Variants in PPM1H observed in about 807,000 individuals in gnomAD.
PPM1H encodes protein phosphatase 1H.
A neutral mutation model predicts 54.9 loss-of-function variants in PPM1H; 27 were observed. The ratio of observed to expected loss-of-function variants is 0.49; its 90% confidence interval spans 0.36 to 0.68. The LOEUF (loss-of-function observed/expected upper bound fraction) is 0.68. Among genes scored for constraint, PPM1H ranks in the 30% least tolerant of loss-of-function variants. PPM1H has a pLI of 0.00. For synonymous variants in PPM1H, 305 were observed against 270.8 expected, an observed-to-expected ratio of 1.13 and a Z score of -1.24; for missense variants, 596 against 667.8, an observed-to-expected ratio of 0.89 and a Z score of 1.19.
At chr12:62,891,686 A>G (rs925582509) in intron 1 of PPM1H, among the ~76,000 whole-genome samples, 1 of 152,190 alleles carries the variant, frequency 6.6e-6, no homozygotes, top group Admixed American at 6.5e-5. Flanking sequence ...CTTTAGAATA[A>G]CTAAGACTCA....
chr12:62,755,955 TG>T, intron 4 of PPM1H: 2 of 921,814 alleles, frequency 2.2e-6, no homozygotes, highest in Non-Finnish European at 1.8e-6. Flanking sequence ...GTGTCAGTTG[TG>T]GGCCTGAACT....
At chr12:62,718,174 C>T (rs1165462836) in intron 6 of PPM1H, among the ~76,000 whole-genome samples, 2 of 152,178 alleles carry the variant, frequency 1.3e-5, no homozygotes, top group African/African-American at 2.4e-5. Flanking sequence ...GCACTGGTGT[C>T]CCCCTCAAGG....
intron 4 of PPM1H, among the ~76,000 whole-genome samples, chr12:62,787,032 G>A (rs543622866): frequency 5.3e-4 from 81 of 152,248 alleles, no homozygotes; most frequent in African/African-American, 1.9e-3. Flanking sequence ...CTGCCAGGTC[G>A]GTTTGCTCCT....
chr12:62,873,304 G>A (rs1297898237), intron 1 of PPM1H, among the ~76,000 whole-genome samples: 3 of 152,214 alleles, frequency 2.0e-5, no homozygotes, highest in Non-Finnish European at 4.4e-5. Context: ...CGCACCTTTT[G>A]TGCTGGCACC....
intron 5 of PPM1H, among the ~76,000 whole-genome samples, chr12:62,732,575 G>T (rs201333752): frequency 2.8e-5 from 4 of 141,946 alleles, no homozygotes; most frequent in African/African-American, 7.7e-5. Context: ...TTTGTTTTCG[G>T]TTTTTTTTTT....
rs185381955 is a variant in PPM1H at position 62,915,293 on chromosome 12, T to C, written c.245+19199A>G. Among the ~76,000 whole-genome samples, 47 of 152,314 alleles carry C rather than the reference T, an allele frequency of 3.1e-4. No individual in the cohort carries two copies. In the East Asian group the frequency reaches 9.1e-3, roughly 29 times the overall value. ...CAGTGGCTCTTTATTTCTTGGCATATGTGGTGAGTGCCTGCAGCGCCTGCA... is the reference window on the plus strand; with the variant it reads ...CAGTGGCTCTTTATTTCTTGGCATACGTGGTGAGTGCCTGCAGCGCCTGCA... On this transcript the variant is annotated intron_variant, in intron 1 of 9. Transcript: ENST00000228705.
In PPM1H at chr12:62,689,651, C is replaced by T. The variant is rs149302305; in HGVS notation, c.1245+48G>A. 5.2e-4 allele frequency: 771 copies of T among 1,479,246 alleles called. 2 individuals carry two copies. The African/African-American group carries it at 9.3e-3, about 18-fold the overall frequency. The allele number at this position is 1,479,246 out of a possible 1,614,324, so 91.6% of individuals were successfully genotyped here. ...GTGTGAGTCACAGGAGGAATAACGCCGAAAATGTTTTATTGCACAAAATAT... is the reference window on the plus strand; with the variant it reads ...GTGTGAGTCACAGGAGGAATAACGCTGAAAATGTTTTATTGCACAAAATAT... On this transcript the variant is annotated intron_variant, in intron 8 of 9. Coordinates refer to ENST00000228705, the MANE Select transcript of PPM1H (RefSeq NM_020700.2).
chr12:62,772,609 A>G (rs1365389506), intron 4 of PPM1H, among the ~76,000 whole-genome samples: 7 of 152,132 alleles, frequency 4.6e-5, no homozygotes, highest in African/African-American at 1.4e-4. Flanking sequence ...CATCAAAACC[A>G]TATCAGGCCA....
intron 1 of PPM1H, among the ~76,000 whole-genome samples, chr12:62,903,860 GAAAT>G (rs1403347783): frequency 1.3e-5 from 2 of 152,160 alleles, no homozygotes; most frequent in Non-Finnish European, 1.5e-5. Flanking sequence ...AGAGAACTGA[GAAAT>G]AGAAAGGCAG....
chr12:62,745,769 T>C (rs185700986), intron 4 of PPM1H, among the ~76,000 whole-genome samples: 1 of 152,334 alleles, frequency 6.6e-6, no homozygotes, highest in East Asian at 1.9e-4. Flanking sequence ...GAAAAATAGG[T>C]TTAGAACTGC....
At chr12:62,904,749 G>C (rs932833006) in intron 1 of PPM1H, among the ~76,000 whole-genome samples, 2 of 152,202 alleles carry the variant, frequency 1.3e-5, no homozygotes, top group Non-Finnish European at 2.9e-5. Flanking sequence ...TCAGCATGTG[G>C]ACTGTGTCAC....
intron 8 of PPM1H, among the ~76,000 whole-genome samples, chr12:62,688,054 A>AGTAAATGCTATT (rs1235514027): frequency 6.6e-6 from 1 of 151,766 alleles, no homozygotes; most frequent in Non-Finnish European, 1.5e-5. Context: ...TACACATTGT[A>AGTAAATGCTATT]GTAAATGCTA....
intron 1 of PPM1H, among the ~76,000 whole-genome samples, chr12:62,905,392 C>G (rs1871275213): frequency 6.6e-6 from 1 of 152,004 alleles, no homozygotes; most frequent in African/African-American, 2.4e-5. Flanking sequence ...GATGAAAAGA[C>G]AAATCACTAG....
chr12:62,735,512 C>T (rs749347572), intron 5 of PPM1H, among the ~76,000 whole-genome samples: 17 of 152,270 alleles, frequency 1.1e-4, no homozygotes, highest in African/African-American at 3.6e-4. Context: ...GCCACCGTGC[C>T]CAGCCTGTTT....
chr12:62,773,132 G>A (rs2076589208), intron 4 of PPM1H, among the ~76,000 whole-genome samples: 1 of 151,850 alleles, frequency 6.6e-6, no homozygotes, highest in South Asian at 2.1e-4. Flanking sequence ...TGGTGACAGA[G>A]CGAGACTCCG....
intron 9 of PPM1H, among the ~76,000 whole-genome samples, chr12:62,659,524 T>C (rs778158896): frequency 4.6e-5 from 7 of 152,100 alleles, no homozygotes; most frequent in Non-Finnish European, 8.8e-5. Context: ...GAGGGGGAGA[T>C]GCTATTTTAA....
In PPM1H at chr12:62,698,473, A is replaced by G. The variant is rs750387279; in HGVS notation, c.1074-4474T>C. ...CTTAGTTCTTTCAACTGTTCTTCAC[A>G]GGACCTGGAGGATCCTAACCACTCT... On this transcript the variant is annotated intron_variant, in intron 6 of 9. Transcript: ENST00000228705. Among the ~76,000 whole-genome samples the G allele has an allele frequency of 4.1e-4, 63 of 152,132 alleles. 1 individual carries two copies. The highest frequency in any genetic ancestry group is 1.8e-4 in the Non-Finnish European group (12 of 68,014).
intron 7 of PPM1H, among the ~76,000 whole-genome samples, chr12:62,691,637 A>G (rs2076083250): frequency 6.6e-6 from 1 of 152,056 alleles, no homozygotes; most frequent in Non-Finnish European, 1.5e-5. Context: ...TAGCCAGGGC[A>G]ATGTGGTAAA....
At chr12:62,923,596 T>C (rs908768828) in intron 1 of PPM1H, among the ~76,000 whole-genome samples, 2 of 152,148 alleles carry the variant, frequency 1.3e-5, no homozygotes, top group Non-Finnish European at 2.9e-5. Flanking sequence ...GTGACGAGGT[T>C]TCACCACATC....
Sources: gnomAD v4.1 joint callset for allele counts (sites outside exome capture counted in the v4.1 genomes callset) on GRCh38, gnomAD v4.1.1 for gene constraint, MANE v1.5 for transcripts, NCBI Gene and HGNC (gene_info 2026-07-23, HGNC 2026-07-21) for gene names.